The following AOPEP variants were observed in gnomAD, a reference collection of about 807,000 sequenced individuals.
The protein encoded by AOPEP is aminopeptidase O.
A neutral mutation model predicts 98.1 loss-of-function variants in AOPEP; 77 were observed. That is an observed-to-expected ratio of 0.78 (90% CI 0.65 to 0.95). The LOEUF is 0.95. Ranked by LOEUF, AOPEP falls within the 40% of genes least tolerant of loss-of-function variation. The pLI, the probability that AOPEP is intolerant of heterozygous loss-of-function variation, is 0.00. For synonymous variants in AOPEP, 346 were observed against 365.3 expected (o/e 0.95, Z 0.60); for missense variants, 1,024 against 1,024.7 (o/e 1.00, Z 0.01).
chr9:94,959,159 T>C (rs920622735), intron 9 of AOPEP, among the ~76,000 whole-genome samples: 1 of 152,102 alleles, frequency 6.6e-6, no homozygotes, highest in Non-Finnish European at 1.5e-5. Context: ...TTCTCCTCCC[T>C]CAGCCTCCCG....
At chr9:95,029,026 T>G (rs1233018774) in intron 13 of AOPEP, among the ~76,000 whole-genome samples, 3 of 152,228 alleles carry the variant, frequency 2.0e-5, no homozygotes, top group African/African-American at 7.2e-5. Flanking sequence ...GGGCAGAGTT[T>G]CCAGGTAGCT....
intron 11 of AOPEP, among the ~76,000 whole-genome samples, chr9:95,002,141 A>G (rs2061601248): frequency 6.6e-6 from 1 of 152,200 alleles, no homozygotes. Context: ...GTAAAAATGT[A>G]AAATTCTAGC....
intron 5 of AOPEP, among the ~76,000 whole-genome samples, chr9:94,823,933 C>T (rs975011467): frequency 2.0e-5 from 3 of 152,058 alleles, no homozygotes; most frequent in African/African-American, 7.2e-5. Flanking sequence ...TGTATCACAC[C>T]CAGCTTACTA....
intron 5 of AOPEP, among the ~76,000 whole-genome samples, chr9:94,876,469 C>T (rs1483028778): frequency 2.6e-5 from 4 of 151,716 alleles, no homozygotes; most frequent in African/African-American, 7.3e-5. Flanking sequence ...GGGTTCACAC[C>T]ATTCTTCTGC....
At chr9:95,076,552 G>A (rs1044168150) in intron 14 of AOPEP, among the ~76,000 whole-genome samples, 10 of 152,208 alleles carry the variant, frequency 6.6e-5, no homozygotes, top group African/African-American at 2.2e-4. Flanking sequence ...GGAATCGTAA[G>A]TCAAGATATC....
chr9:95,108,924 G>GA, the AOPEP span, among the ~76,000 whole-genome samples: 3 of 132,200 alleles, frequency 2.3e-5, no homozygotes, highest in Non-Finnish European at 4.9e-5. Context: ...TTTTTTTTTG[G>GA]AGACAGAGCC....
chr9:95,141,576 C>T, the AOPEP span, among the ~76,000 whole-genome samples: 1 of 152,044 alleles, frequency 6.6e-6, no homozygotes, highest in African/African-American at 2.4e-5. Flanking sequence ...TTCTAATTTA[C>T]GTTTTCATTT....
chr9:95,049,710 C>G (rs1390565476), intron 13 of AOPEP, among the ~76,000 whole-genome samples: 1 of 152,126 alleles, frequency 6.6e-6, no homozygotes, highest in South Asian at 2.1e-4. Flanking sequence ...TTTTTCTAAA[C>G]AAATTTCCTG....
chr9:95,007,030 T>A (rs563054018), intron 13 of AOPEP, among the ~76,000 whole-genome samples: 1 of 151,762 alleles, frequency 6.6e-6, no homozygotes, highest in East Asian at 2.0e-4. Context: ...GCCTCCCGAA[T>A]AGCTGGAACT....
chr9:94,772,937 G>A, intron 2 of AOPEP, 65 bp from the exon 3 acceptor site: 3 of 1,462,732 alleles, frequency 2.1e-6, no homozygotes, highest in Non-Finnish European at 2.8e-6. Flanking sequence ...CTACCATACT[G>A]GTGAGAAAAG....
rs1184129475 is a variant in AOPEP at position 94,760,558 on chromosome 9, TG to T, written c.777del (p.Trp259Ter). On this transcript the variant is annotated frameshift_variant, in exon 2 of 17. Coordinates refer to ENST00000375315, the MANE Select transcript of AOPEP (RefSeq NM_001193329.3). LOFTEE classifies it high-confidence loss of function. ...KTKPEGRSVT[W>X]TSDQSGRPCV... ...TAAACCTGAAGGGCGATCGGTTACA[TG>T]GACCTCAGACCAGAGTGGCAGGTAG... 1 of 1,552,612 alleles carries T rather than the reference TG, an allele frequency of 6.4e-7. No homozygotes were observed. Among genetic ancestry groups the T allele is most frequent in the Non-Finnish European group, 8.7e-7 (1 of 1,152,944 alleles).
chr9:94,964,816 T>G (rs2138261021), intron 9 of AOPEP, among the ~76,000 whole-genome samples: 1 of 152,094 alleles, frequency 6.6e-6, no homozygotes, highest in South Asian at 2.1e-4. Context: ...ATTTTTTGTA[T>G]TTTTAGTAGA....
chr9:94,819,371 C>G (rs1235485500), intron 5 of AOPEP, among the ~76,000 whole-genome samples: 1 of 152,196 alleles, frequency 6.6e-6, no homozygotes, highest in East Asian at 1.9e-4. Context: ...GCTAAGAAGA[C>G]CAAGTGTGTG....
At chr9:95,117,815 C>T in the AOPEP span, among the ~76,000 whole-genome samples, 2 of 151,726 alleles carry the variant, frequency 1.3e-5, no homozygotes, top group Non-Finnish European at 2.9e-5. Flanking sequence ...CCTCTGGCTC[C>T]CGGGTTCAAG....
intron 13 of AOPEP, among the ~76,000 whole-genome samples, chr9:95,012,443 T>C (rs1167573256): frequency 6.6e-6 from 1 of 152,216 alleles, no homozygotes; most frequent in East Asian, 1.9e-4. Flanking sequence ...GAGAAAAATT[T>C]CGTGGCTTTT....
At chr9:95,125,887 G>A in the AOPEP span, among the ~76,000 whole-genome samples, 8 of 152,258 alleles carry the variant, frequency 5.3e-5, no homozygotes, top group East Asian at 5.8e-4. Context: ...CCCCAGGGGC[G>A]TCCAGTCTTA....
At chr9:94,887,162 G>T (rs1588707281) in intron 5 of AOPEP, among the ~76,000 whole-genome samples, 1 of 150,626 alleles carries the variant, frequency 6.6e-6, no homozygotes, top group East Asian at 2.0e-4. Flanking sequence ...GAAACAAAGT[G>T]AGACCCCCCC....
chr9:94,998,006 CTT>C (rs998781012), intron 11 of AOPEP, among the ~76,000 whole-genome samples: 4 of 151,966 alleles, frequency 2.6e-5, no homozygotes, highest in African/African-American at 9.7e-5. Context: ...GCTGAAAACT[CTT>C]TAAGGTTATA....
At chr9:95,031,710 G>T (rs1337180138) in intron 13 of AOPEP, among the ~76,000 whole-genome samples, 1 of 152,172 alleles carries the variant, frequency 6.6e-6, no homozygotes, top group Non-Finnish European at 1.5e-5. Context: ...CGATTCTCCG[G>T]GTAGGGGGGA....
Sources: allele counts gnomAD v4.1 joint callset (sites outside exome capture counted in the v4.1 genomes callset), GRCh38; gene constraint gnomAD v4.1.1; transcripts MANE v1.5; gene names NCBI Gene and HGNC (gene_info 2026-07-23, HGNC 2026-07-21).